ZSCAN25: variants seen among roughly 807,000 people sequenced by gnomAD.
ZSCAN25 encodes zinc finger and SCAN domain containing 25, also known as zinc finger and SCAN domain-containing protein 25.
ZSCAN25 carries 27 observed loss-of-function variants against 38.7 expected under a neutral mutation model. That is an observed-to-expected ratio of 0.70 (90% CI 0.51 to 0.96). The LOEUF is 0.96. Ranked by LOEUF, ZSCAN25 falls within the 40% of genes least tolerant of loss-of-function variation. The pLI is 0.00. For missense variants in ZSCAN25, 637 were observed against 705.9 expected, an observed-to-expected ratio of 0.90 and a Z score of 1.11; for synonymous variants, 273 against 277.7, an observed-to-expected ratio of 0.98 and a Z score of 0.17.
chr7:99,669,366 G>T, the ZSCAN25 span, among the ~76,000 whole-genome samples: 3 of 152,120 alleles, frequency 2.0e-5, no homozygotes, highest in Admixed American at 1.3e-4. Context: ...CAACAAAAAA[G>T]ATTTTTTAAA....
the ZSCAN25 span, among the ~76,000 whole-genome samples, chr7:99,704,737 G>A: frequency 1.3e-5 from 2 of 152,158 alleles, no homozygotes; most frequent in African/African-American, 4.8e-5. Context: ...GCCCAGGCAG[G>A]TGGATCATAA....
the ZSCAN25 span, among the ~76,000 whole-genome samples, chr7:99,687,963 G>T: frequency 6.6e-6 from 1 of 152,102 alleles, no homozygotes; most frequent in Non-Finnish European, 1.5e-5. Flanking sequence ...TTACAGACAA[G>T]CAAATGCTGA....
the ZSCAN25 span, among the ~76,000 whole-genome samples, chr7:99,729,187 G>A: frequency 6.6e-6 from 1 of 151,802 alleles, no homozygotes; most frequent in African/African-American, 2.4e-5. Context: ...CTGTTATTCG[G>A]GACTTGTGTC....
the ZSCAN25 span, among the ~76,000 whole-genome samples, chr7:99,655,253 G>C: frequency 6.6e-6 from 1 of 152,130 alleles, no homozygotes; most frequent in African/African-American, 2.4e-5. Flanking sequence ...ATTAATTTTT[G>C]TATAAGGTGT....
At chr7:99,648,522 C>T in the ZSCAN25 span, 1 of 672,200 alleles carries the variant, frequency 1.5e-6, no homozygotes, top group East Asian at 2.8e-5. Flanking sequence ...ACTCTTAACA[C>T]CATGTATCTT....
chr7:99,731,482 C>T, the ZSCAN25 span, among the ~76,000 whole-genome samples: 118 of 152,306 alleles, frequency 7.7e-4, no homozygotes, highest in African/African-American at 2.8e-3. Flanking sequence ...TTCATTCCCT[C>T]ATGTCTTTTT....
At chr7:99,643,089 A>G in the ZSCAN25 span, among the ~76,000 whole-genome samples, 1 of 152,128 alleles carries the variant, frequency 6.6e-6, no homozygotes, top group African/African-American at 2.4e-5. Context: ...CTTTTTTTCA[A>G]AAAAGCAATT....
At chr7:99,675,794 T>C in the ZSCAN25 span, among the ~76,000 whole-genome samples, 1 of 147,236 alleles carries the variant, frequency 6.8e-6, no homozygotes, top group African/African-American at 2.5e-5. Context: ...CCTGGGTTCA[T>C]ACAATCCTCC....
chr7:99,666,944 T>C, the ZSCAN25 span: 1 of 1,612,852 alleles, frequency 6.2e-7, no homozygotes, highest in Non-Finnish European at 8.5e-7. Flanking sequence ...CTCATCTTAT[T>C]TTCATACCTC....
chr7:99,626,508 A>G (rs1356368196), intron 7 of ZSCAN25, among the ~76,000 whole-genome samples: 1 of 152,128 alleles, frequency 6.6e-6, no homozygotes. Context: ...TTACTGAAAT[A>G]TGCTTCCAAG....
the ZSCAN25 span, among the ~76,000 whole-genome samples, chr7:99,672,199 A>G: frequency 6.6e-6 from 1 of 152,030 alleles, no homozygotes; most frequent in East Asian, 1.9e-4. Flanking sequence ...CTACAGGCGC[A>G]TGCCACCACA....
the ZSCAN25 span, among the ~76,000 whole-genome samples, chr7:99,716,397 C>T: frequency 6.6e-6 from 1 of 152,198 alleles, no homozygotes; most frequent in Non-Finnish European, 1.5e-5. Context: ...AAATATCATC[C>T]TTATTCTCTA....
chr7:99,714,699 C>A, the ZSCAN25 span: 31 of 1,603,862 alleles, frequency 1.9e-5, no homozygotes, highest in African/African-American at 9.4e-5. Flanking sequence ...AAAAAAAAAA[C>A]CAACAGAAAA....
the ZSCAN25 span, chr7:99,715,968 G>A: frequency 2.7e-3 from 4,387 of 1,611,380 alleles, 10 homozygotes; most frequent in Non-Finnish European, 3.4e-3. Flanking sequence ...TCCTCTATGC[G>A]TGCAGCAGGA....
chr7:99,691,504 C>G, the ZSCAN25 span, among the ~76,000 whole-genome samples: 2 of 151,904 alleles, frequency 1.3e-5, no homozygotes, highest in African/African-American at 4.8e-5. Context: ...GGTGTTAAAG[C>G]CTCTCATTAT....
the ZSCAN25 span, among the ~76,000 whole-genome samples, chr7:99,708,811 G>A: frequency 6.6e-6 from 1 of 152,216 alleles, no homozygotes; most frequent in African/African-American, 2.4e-5. Flanking sequence ...ACATAATTGA[G>A]GACCTTCATC....
chr7:99,656,692 C>T, the ZSCAN25 span, among the ~76,000 whole-genome samples: 94 of 152,246 alleles, frequency 6.2e-4, 2 homozygotes, highest in South Asian at 4.2e-3. Flanking sequence ...TAGAATTCGG[C>T]GGTGAATCCA....
At position 99,631,709 on chromosome 7, in the gene ZSCAN25, A is replaced by G; in HGVS notation, c.*1689A>G. ...TCAGCCCACTTTGAAACGTGGTTTTATCACCTGTTCTTGTTAGGCAGCATG... is the reference window on the plus strand; with the variant it reads ...TCAGCCCACTTTGAAACGTGGTTTTGTCACCTGTTCTTGTTAGGCAGCATG... On this transcript the variant is annotated 3_prime_UTR_variant, in exon 8 of 8. Transcript: ENST00000394152. 1.0e-6 allele frequency: 1 copy of G among 985,310 alleles called. No homozygotes were observed. The highest frequency in any genetic ancestry group is 4.7e-5 in the South Asian group (1 of 21,288). The allele number at this position is 985,310 out of a possible 1,614,324, so 61.0% of individuals were successfully genotyped here.
the ZSCAN25 span, chr7:99,713,427 T>C: frequency 6.2e-7 from 1 of 1,612,540 alleles, no homozygotes; most frequent in Non-Finnish European, 8.5e-7. Context: ...ACCTTCCCTC[T>C]GAGTGCCCCA....
Sources: allele counts gnomAD v4.1 joint callset (sites outside exome capture counted in the v4.1 genomes callset), GRCh38; gene constraint gnomAD v4.1.1; transcripts MANE v1.5; gene names NCBI Gene and HGNC (gene_info 2026-07-23, HGNC 2026-07-21).